Variants in PSD3 observed in about 807,000 individuals in gnomAD.
PSD3 encodes the protein pleckstrin and Sec7 domain containing 3, also known as PH and SEC7 domain-containing protein 3.
A neutral mutation model predicts 105.5 loss-of-function variants in PSD3; 49 were observed. That is an observed-to-expected ratio of 0.46 (90% CI 0.37 to 0.59). The LOEUF (loss-of-function observed/expected upper bound fraction) is 0.59, where lower values mean the gene tolerates loss of function less well. Among genes scored for constraint, PSD3 ranks in the 20% least tolerant of loss-of-function variants. PSD3 has a pLI of 0.00. For missense variants in PSD3, 1,561 were observed against 1,263.8 expected, an observed-to-expected ratio of 1.24 and a Z score of -3.57; for synonymous variants, 557 against 457.8, an observed-to-expected ratio of 1.22 and a Z score of -2.77.
chr8:18,567,935 G>T (rs1801896502), intron 14 of PSD3, among the ~76,000 whole-genome samples: 1 of 152,204 alleles, frequency 6.6e-6, no homozygotes, highest in Admixed American at 6.5e-5. Flanking sequence ...TGAATGGCTT[G>T]ATGCCACGCT....
intron 9 of PSD3, among the ~76,000 whole-genome samples, chr8:18,760,967 A>G (rs543762750): frequency 6.6e-6 from 1 of 152,288 alleles, no homozygotes; most frequent in Admixed American, 6.5e-5. Context: ...CTCCATCAAT[A>G]TTCCAGGATA....
chr8:18,714,957 G>T (rs1025375712), intron 9 of PSD3, among the ~76,000 whole-genome samples: 2 of 152,126 alleles, frequency 1.3e-5, no homozygotes, highest in African/African-American at 4.8e-5. Context: ...GCCATAAAAA[G>T]GAATGAGATC....
chr8:18,703,572 A>T (rs1801716371), intron 9 of PSD3, among the ~76,000 whole-genome samples: 1 of 152,194 alleles, frequency 6.6e-6, no homozygotes, highest in South Asian at 2.1e-4. Context: ...GAGAAAAGAG[A>T]TCCCATATAG....
At chr8:18,813,207 G>T (rs1240979462) in intron 4 of PSD3, among the ~76,000 whole-genome samples, 1 of 152,170 alleles carries the variant, frequency 6.6e-6, no homozygotes, top group Non-Finnish European at 1.5e-5. Context: ...CTTAAAAGCT[G>T]GTGGAAGGTG....
At chr8:18,655,195 G>A (rs1450368115) in intron 10 of PSD3, among the ~76,000 whole-genome samples, 1 of 151,662 alleles carries the variant, frequency 6.6e-6, no homozygotes, top group South Asian at 2.1e-4. Flanking sequence ...TGGGAGTGGT[G>A]GTGGGCGCCT....
At chr8:19,011,264 C>T (rs1189012270) in intron 1 of PSD3, among the ~76,000 whole-genome samples, 1 of 152,174 alleles carries the variant, frequency 6.6e-6, no homozygotes, top group Non-Finnish European at 1.5e-5. Context: ...ACCAAGACTG[C>T]AATTAACCTA....
intron 7 of PSD3, among the ~76,000 whole-genome samples, chr8:18,799,609 C>T (rs1810506764): frequency 6.6e-6 from 1 of 152,164 alleles, no homozygotes; most frequent in Non-Finnish European, 1.5e-5. Flanking sequence ...GTAAAGCCTT[C>T]AAACAATGTC....
chr8:18,593,150 G>A (rs996189609), intron 12 of PSD3, among the ~76,000 whole-genome samples: 13 of 152,178 alleles, frequency 8.5e-5, no homozygotes, highest in African/African-American at 3.1e-4. Flanking sequence ...AAGAGCTTCT[G>A]CACAGCAAAA....
At chr8:19,060,626 C>T (rs1019096939) in intron 1 of PSD3, among the ~76,000 whole-genome samples, 2 of 152,094 alleles carry the variant, frequency 1.3e-5, no homozygotes, top group Non-Finnish European at 2.9e-5. Flanking sequence ...AGAGTGAGAC[C>T]CCATCTCAAA....
chr8:19,045,455 A>ACAGCCAAGT (rs1828284058), intron 1 of PSD3, among the ~76,000 whole-genome samples: 2 of 152,190 alleles, frequency 1.3e-5, no homozygotes, highest in Non-Finnish European at 2.9e-5. Flanking sequence ...GCCGCCCTTG[A>ACAGCCAAGT]ACACAGCCAA....
intron 9 of PSD3, among the ~76,000 whole-genome samples, chr8:18,682,890 G>C (rs1800464724): frequency 6.6e-6 from 1 of 152,050 alleles, no homozygotes; most frequent in Non-Finnish European, 1.5e-5. Context: ...ATGACACTGA[G>C]ATCCACCTCC....
At chr8:18,606,109 C>A (rs1341223832) in intron 11 of PSD3, among the ~76,000 whole-genome samples, 1 of 152,190 alleles carries the variant, frequency 6.6e-6, no homozygotes, top group African/African-American at 2.4e-5. Context: ...GACTGCTGTT[C>A]TTTGAGCTTC....
chr8:18,595,222 CAAACAAA>C (rs1803998946), intron 12 of PSD3, among the ~76,000 whole-genome samples: 2 of 69,036 alleles, frequency 2.9e-5, no homozygotes, highest in Non-Finnish European at 6.4e-5. Context: ...AACAAACAAA[CAAACAAA>C]AAAAACCCTA....
chr8:18,820,171 C>CTTTTTTTTT (rs11357749), intron 4 of PSD3, among the ~76,000 whole-genome samples: 4 of 128,092 alleles, frequency 3.1e-5, no homozygotes, highest in African/African-American at 5.7e-5. Flanking sequence ...CATTTTTTTC[C>CTTTTTTTTT]TTTTTTTTTT....
chr8:18,897,391 T>C (rs1819220389), intron 2 of PSD3, among the ~76,000 whole-genome samples: 2 of 152,192 alleles, frequency 1.3e-5, no homozygotes, highest in Admixed American at 1.3e-4. Flanking sequence ...TTTATGACAG[T>C]ACTATGCTAT....
chr8:18,596,466 A>C (rs1488430292), intron 12 of PSD3, among the ~76,000 whole-genome samples: 2 of 152,070 alleles, frequency 1.3e-5, no homozygotes, highest in Non-Finnish European at 2.9e-5. Context: ...GAAATAAATG[A>C]AATAGAGAAA....
chr8:18,634,735 T>G (rs1350237282), intron 10 of PSD3, among the ~76,000 whole-genome samples: 1 of 152,170 alleles, frequency 6.6e-6, no homozygotes, highest in African/African-American at 2.4e-5. Context: ...TTATGCATTT[T>G]TTGGGGAAAG....
chr8:18,808,851 T>A, intron 4 of PSD3: 1 of 1,605,644 alleles, frequency 6.2e-7, no homozygotes, highest in Non-Finnish European at 8.5e-7. Flanking sequence ...ATTCTTCAGC[T>A]CCCAAGTTCA....
intron 2 of PSD3, among the ~76,000 whole-genome samples, chr8:18,910,020 G>T (rs1176964202): frequency 2.6e-5 from 4 of 152,176 alleles, no homozygotes; most frequent in African/African-American, 9.6e-5. Context: ...AGCAGCCTGA[G>T]ACACAGAGGA....
Sources: gnomAD v4.1 joint callset for allele counts (sites outside exome capture counted in the v4.1 genomes callset) on GRCh38, gnomAD v4.1.1 for gene constraint, MANE v1.5 for transcripts, NCBI Gene and HGNC (gene_info 2026-07-23, HGNC 2026-07-21) for gene names.